The following ARHGAP6 variants were observed in gnomAD, a reference collection of about 807,000 sequenced individuals.
The protein encoded by ARHGAP6 is Rho GTPase activating protein 6.
ARHGAP6 carries 16 observed loss-of-function variants against 55.7 expected under a neutral mutation model. The ratio of observed to expected loss-of-function variants is 0.29; its 90% CI spans 0.19 to 0.44. The LOEUF (loss-of-function observed/expected upper bound fraction) is 0.44, where lower values mean the gene tolerates loss of function less well. Among genes scored for constraint, ARHGAP6 ranks in the 20% least tolerant of loss-of-function variants. ARHGAP6 has a pLI of 1.00. For synonymous variants in ARHGAP6, 382 were observed against 360.9 expected (o/e 1.06, Z -0.66); for missense variants, 698 against 808.9 (o/e 0.86, Z 1.66).
intron 2 of ARHGAP6, among the ~76,000 whole-genome samples, chrX:11,205,081 G>A (rs1463328594): frequency 1.8e-5 from 2 of 111,445 alleles, no homozygotes; most frequent in African/African-American, 6.5e-5. Flanking sequence ...CTCCCTGCAG[G>A]CGAATATTTT....
chrX:11,518,148 T>C (rs1421730093), intron 1 of ARHGAP6, among the ~76,000 whole-genome samples: 1 of 110,873 alleles, frequency 9.0e-6, no homozygotes, highest in African/African-American at 3.3e-5. Context: ...CTTTTCTTTC[T>C]TTTCTTTTCC....
At chrX:11,492,911 C>T (rs1349194457) in intron 1 of ARHGAP6, among the ~76,000 whole-genome samples, 2 of 111,723 alleles carry the variant, frequency 1.8e-5, no homozygotes, top group South Asian at 3.8e-4. Context: ...TCAAGGTGCA[C>T]GTCTTCTTCA....
At chrX:11,500,651 G>A (rs1261837196) in intron 1 of ARHGAP6, among the ~76,000 whole-genome samples, 1 of 86,181 alleles carries the variant, frequency 1.2e-5, no homozygotes, top group African/African-American at 4.8e-5. Context: ...GGGAAACAGA[G>A]CCAGACTCTG....
chrX:11,242,747 C>A (rs1014939089), intron 2 of ARHGAP6, among the ~76,000 whole-genome samples: 1 of 111,366 alleles, frequency 9.0e-6, no homozygotes, highest in Non-Finnish European at 1.9e-5. Flanking sequence ...ATACAAAAAT[C>A]ATTTTTCCCT....
At chrX:11,186,889 C>T (rs1161412134) in intron 4 of ARHGAP6, among the ~76,000 whole-genome samples, 2 of 111,212 alleles carry the variant, frequency 1.8e-5, no homozygotes, top group Non-Finnish European at 3.8e-5. Flanking sequence ...TCCCGAGAAA[C>T]AACACAAAGT....
intron 8 of ARHGAP6, among the ~76,000 whole-genome samples, chrX:11,174,645 T>A (rs938454847): frequency 3.6e-5 from 3 of 83,653 alleles, no homozygotes; most frequent in Non-Finnish European, 6.8e-5. Flanking sequence ...CTTTCTTTCT[T>A]TCTTTCTTTC....
intron 1 of ARHGAP6, among the ~76,000 whole-genome samples, chrX:11,662,068 A>G (rs543311360): frequency 8.9e-6 from 1 of 112,147 alleles, no homozygotes; most frequent in African/African-American, 3.2e-5. Flanking sequence ...AACCAAATCT[A>G]TATGAACCAG....
At chrX:11,255,592 T>C (rs2047484673) in intron 1 of ARHGAP6, among the ~76,000 whole-genome samples, 1 of 111,363 alleles carries the variant, frequency 9.0e-6, no homozygotes, top group African/African-American at 3.3e-5. Context: ...GCTAAGAATG[T>C]AGGGCTTTAA....
At chrX:11,659,533 G>A (rs971596726) in intron 1 of ARHGAP6, among the ~76,000 whole-genome samples, 3 of 111,225 alleles carry the variant, frequency 2.7e-5, no homozygotes, top group Non-Finnish European at 5.7e-5. Context: ...AAATGCCCAC[G>A]CCCCAATCCC....
chrX:11,146,290 C>T (rs995459493), intron 10 of ARHGAP6, among the ~76,000 whole-genome samples: 5 of 112,363 alleles, frequency 4.4e-5, no homozygotes, highest in Non-Finnish European at 7.5e-5. Context: ...TAAGTCAAGC[C>T]GGCAAAGTGA....
chrX:11,632,191 C>T (rs1271986260), intron 1 of ARHGAP6, among the ~76,000 whole-genome samples: 1 of 112,416 alleles, frequency 8.9e-6, no homozygotes, highest in East Asian at 2.8e-4. Context: ...CAGGTATTTG[C>T]TGCCAGACAC....
At position 11,605,462 on chromosome X, in the gene ARHGAP6, A is replaced by G. The variant is rs192901637; in HGVS notation, c.588+58779T>C. ...GGAGATGGGGCAGGAGAAGAAGAAC[A>G]GGGGGAGTGGCAGTGGGCGTGGCAG... On this transcript the variant is annotated intron_variant, in intron 1 of 12. Coordinates refer to ENST00000337414, the MANE Select transcript of ARHGAP6 (RefSeq NM_013427.3). Among the ~76,000 whole-genome samples the G allele has an allele frequency of 6.2e-3, 688 of 111,415 alleles. 1 individual carries two copies. Among genetic ancestry groups the G allele is most frequent in the Non-Finnish European group, 8.5e-3 (450 of 53,010 alleles).
At chrX:11,634,390 C>A (rs2052394657) in intron 1 of ARHGAP6, among the ~76,000 whole-genome samples, 1 of 111,443 alleles carries the variant, frequency 9.0e-6, no homozygotes, top group South Asian at 3.8e-4. Flanking sequence ...TTTTAATAGC[C>A]TAACTTTCTG....
At chrX:11,308,592 G>A (rs770674560) in intron 1 of ARHGAP6, among the ~76,000 whole-genome samples, 1 of 111,050 alleles carries the variant, frequency 9.0e-6, no homozygotes, top group Non-Finnish European at 1.9e-5. Context: ...GTCCCCAGTC[G>A]TCAGTCATTA....
chrX:11,548,377 G>T (rs1471261089), intron 1 of ARHGAP6, among the ~76,000 whole-genome samples: 2 of 110,922 alleles, frequency 1.8e-5, no homozygotes, highest in Non-Finnish European at 3.8e-5. Flanking sequence ...ATGTAAGTTT[G>T]TATTCATTAA....
chrX:11,331,728 T>C (rs978073111), intron 1 of ARHGAP6, among the ~76,000 whole-genome samples: 3 of 112,037 alleles, frequency 2.7e-5, no homozygotes, highest in Non-Finnish European at 5.6e-5. Context: ...GCTATAGATA[T>C]GTTACTGATT....
intron 1 of ARHGAP6, among the ~76,000 whole-genome samples, chrX:11,369,901 C>T (rs1042068403): frequency 2.7e-5 from 3 of 112,363 alleles, no homozygotes; most frequent in African/African-American, 9.7e-5. Flanking sequence ...CTGGGATATG[C>T]TAAACTATCA....
chrX:11,525,201 T>C (rs1218668028), intron 1 of ARHGAP6, among the ~76,000 whole-genome samples: 3 of 111,962 alleles, frequency 2.7e-5, no homozygotes, highest in Non-Finnish European at 5.6e-5. Context: ...CTAATGCCAC[T>C]AGCATCTTCC....
intron 1 of ARHGAP6, among the ~76,000 whole-genome samples, chrX:11,475,560 TACACACAC>T (rs199969639): frequency 3.4e-3 from 327 of 95,845 alleles, no homozygotes; most frequent in Middle Eastern, 0.01. Context: ...TTAAAGAAAC[TACACACAC>T]ACACACACAC....
Sources: gnomAD v4.1 joint callset for allele counts (sites outside exome capture counted in the v4.1 genomes callset) on GRCh38, gnomAD v4.1.1 for gene constraint, MANE v1.5 for transcripts, NCBI Gene and HGNC (gene_info 2026-07-23, HGNC 2026-07-21) for gene names.